PCDH11X: variants seen among roughly 807,000 people sequenced by gnomAD.
PCDH11X encodes protocadherin 11 X-linked.
A neutral mutation model predicts 53.3 loss-of-function variants in PCDH11X; 18 were observed. The ratio of observed to expected loss-of-function variants is 0.34; its 90% CI spans 0.23 to 0.50. The LOEUF (loss-of-function observed/expected upper bound fraction) is 0.50. Ranked by LOEUF, PCDH11X falls within the 20% of genes least tolerant of loss-of-function variation. The pLI is 0.98. For missense variants in PCDH11X, 570 were observed against 1,032.4 expected, an observed-to-expected ratio of 0.55 and a Z score of 6.14; for synonymous variants, 279 against 393.3, an observed-to-expected ratio of 0.71 and a Z score of 3.44.
chrX:92,586,596 T>C (rs1400730810), intron 10 of PCDH11X, among the ~76,000 whole-genome samples: 1 of 105,825 alleles, frequency 9.4e-6, no homozygotes, highest in Non-Finnish European at 1.9e-5. Flanking sequence ...CCTACCTATG[T>C]AGGTTCCAAA....
chrX:92,101,734 C>T (rs1195088855), intron 6 of PCDH11X, among the ~76,000 whole-genome samples: 5 of 109,913 alleles, frequency 4.5e-5, no homozygotes, highest in Admixed American at 9.8e-5. Flanking sequence ...TTTCCTGACT[C>T]GGGCATGTTG....
At chrX:92,215,171 A>G (rs1288839265) in intron 7 of PCDH11X, among the ~76,000 whole-genome samples, 1 of 110,942 alleles carries the variant, frequency 9.0e-6, no homozygotes, top group Non-Finnish European at 1.9e-5. Context: ...TACCGGGTTC[A>G]TCTCACTAGG....
intron 6 of PCDH11X, among the ~76,000 whole-genome samples, chrX:92,013,825 G>C (rs1266772850): frequency 8.9e-6 from 1 of 111,732 alleles, no homozygotes; most frequent in African/African-American, 3.3e-5. Flanking sequence ...AAACTGGCTA[G>C]CCATACGTAG....
intron 8 of PCDH11X, among the ~76,000 whole-genome samples, chrX:92,293,549 G>T (rs1569456935): frequency 9.3e-6 from 1 of 108,034 alleles, no homozygotes; most frequent in Non-Finnish European, 1.9e-5. Context: ...GAGTGAACCA[G>T]GAGGCGGAGC....
chrX:92,443,084 T>A (rs1043790477), intron 9 of PCDH11X, among the ~76,000 whole-genome samples: 6 of 106,269 alleles, frequency 5.6e-5, no homozygotes, highest in African/African-American at 1.7e-4. Context: ...TCTGTTGTTT[T>A]TTGTCTTTTT....
chrX:91,866,887 C>T (rs925927784), intron 5 of PCDH11X, among the ~76,000 whole-genome samples: 2 of 110,558 alleles, frequency 1.8e-5, no homozygotes, highest in African/African-American at 6.6e-5. Flanking sequence ...TCTGACCAAC[C>T]ACCCATAATC....
At chrX:92,129,392 C>G (rs2064930761) in intron 6 of PCDH11X, among the ~76,000 whole-genome samples, 1 of 111,452 alleles carries the variant, frequency 9.0e-6, no homozygotes, top group Admixed American at 9.6e-5. Context: ...CTCCGTCCCC[C>G]ACCTCCGTGC....
intron 10 of PCDH11X, among the ~76,000 whole-genome samples, chrX:92,517,471 A>G (rs1177799911): frequency 8.9e-6 from 1 of 111,876 alleles, no homozygotes; most frequent in Non-Finnish European, 1.9e-5. Flanking sequence ...ATGCCCAGTG[A>G]AATAAACTTT....
chrX:91,786,278 G>A (rs924557898), intron 1 of PCDH11X, among the ~76,000 whole-genome samples: 6 of 108,008 alleles, frequency 5.6e-5, no homozygotes, highest in Admixed American at 1.0e-4. Flanking sequence ...CACCTAATCT[G>A]CTCATCTTGA....
chrX:92,246,855 A>T (rs1379111308), intron 7 of PCDH11X, among the ~76,000 whole-genome samples: 1 of 111,992 alleles, frequency 8.9e-6, no homozygotes, highest in Non-Finnish European at 1.9e-5. Flanking sequence ...AAAATAGTTG[A>T]CGTATAAGAA....
intron 9 of PCDH11X, among the ~76,000 whole-genome samples, chrX:92,412,509 G>GTATATATATATATATA (rs748836273): frequency 3.1e-5 from 2 of 64,432 alleles, no homozygotes; most frequent in Non-Finnish European, 6.3e-5. Flanking sequence ...AAAGAAAATA[G>GTATATATATATATATA]TATATATATA....
At chrX:92,145,193 G>T (rs1057109337) in intron 6 of PCDH11X, among the ~76,000 whole-genome samples, 1 of 111,393 alleles carries the variant, frequency 9.0e-6, no homozygotes, top group Non-Finnish European at 1.9e-5. Flanking sequence ...TATTCATTAA[G>T]TGTAAACAAA....
Position 92,099,352 on chromosome X carries a change from T to C in PCDH11X, c.3034-102023T>C, listed in dbSNP as rs1426107220. Reference sequence around the variant, plus strand: ...AATGACAAAAGTTTATTGCTGTGTCTTCTTTTCAGTATGCTTCCTTCAAAC... The same window carrying C: ...AATGACAAAAGTTTATTGCTGTGTCCTCTTTTCAGTATGCTTCCTTCAAAC... On this transcript the variant is annotated intron_variant, in intron 6 of 10. Transcript: ENST00000682573. Among the ~76,000 whole-genome samples the C allele has an allele frequency of 2.8e-5, 3 of 107,920 alleles. No individual in the cohort carries two copies. The East Asian group carries it at 8.7e-4, about 31-fold the overall frequency. The allele number at this position is 107,920 out of a possible 115,157, so 93.7% of individuals were successfully genotyped here.
intron 8 of PCDH11X, among the ~76,000 whole-genome samples, chrX:92,382,566 G>A (rs1354875750): frequency 1.8e-5 from 2 of 110,861 alleles, no homozygotes. Flanking sequence ...CAAGAATGCT[G>A]GGGATTTGAT....
At chrX:92,442,121 G>A (rs1315690176) in intron 9 of PCDH11X, among the ~76,000 whole-genome samples, 1 of 111,524 alleles carries the variant, frequency 9.0e-6, no homozygotes, top group East Asian at 2.8e-4. Flanking sequence ...TGTATTTACT[G>A]AATGCCTGTT....
chrX:92,151,187 T>G (rs1442303508), intron 6 of PCDH11X, among the ~76,000 whole-genome samples: 2 of 108,916 alleles, frequency 1.8e-5, no homozygotes, highest in Admixed American at 2.0e-4. Flanking sequence ...TTTATTTTAT[T>G]TATCTATTTA....
intron 6 of PCDH11X, among the ~76,000 whole-genome samples, chrX:92,077,188 G>A (rs2063785568): frequency 9.0e-6 from 1 of 111,024 alleles, no homozygotes; most frequent in African/African-American, 3.3e-5. Context: ...GGACAAAGAG[G>A]TAAGCCAGCC....
intron 6 of PCDH11X, among the ~76,000 whole-genome samples, chrX:92,147,854 TTTTCTTTTCTCTCTTTC>T (rs1569388338): frequency 1.4e-4 from 8 of 56,570 alleles, no homozygotes; most frequent in East Asian, 1.4e-3. Context: ...TTTCTTTCTT[TTTTCTTTTCTCTCTTTC>T]CTTTCTTTCT....
chrX:92,064,257 C>T (rs2063569846), intron 6 of PCDH11X, among the ~76,000 whole-genome samples: 1 of 108,166 alleles, frequency 9.2e-6, no homozygotes, highest in Admixed American at 1.0e-4. Flanking sequence ...TCCATGCACA[C>T]ATTTGCATTG....
Sources: allele counts gnomAD v4.1 joint callset (sites outside exome capture counted in the v4.1 genomes callset), GRCh38; gene constraint gnomAD v4.1.1; transcripts MANE v1.5; gene names NCBI Gene and HGNC (gene_info 2026-07-23, HGNC 2026-07-21).